The following TNFAIP8 variants were observed in gnomAD, a reference collection of about 807,000 sequenced individuals.
TNFAIP8 encodes the protein TNF alpha induced protein 8, also known as tumor necrosis factor alpha-induced protein 8.
TNFAIP8 carries 7 observed loss-of-function variants against 13.3 expected under a neutral mutation model. That is an observed-to-expected ratio of 0.52 (90% CI 0.30 to 0.99). TNFAIP8 has a LOEUF of 0.99. Ranked by LOEUF, TNFAIP8 falls within the 50% of genes least tolerant of loss-of-function variation. TNFAIP8 has a pLI of 0.07. For missense variants in TNFAIP8, 258 were observed against 236.9 expected (o/e 1.09, Z -0.58); for synonymous variants, 94 against 87.6 (o/e 1.07, Z -0.41).
chr5:119,292,022 A>C lies in TNFAIP8; in HGVS notation c.1+23115A>C, dbSNP rs548076815. 5.3e-5 allele frequency among the ~76,000 whole-genome samples: 8 copies of C among 152,346 alleles called. No individual in the cohort carries two copies. In the East Asian group the frequency reaches 1.5e-3, roughly 29 times the overall value. ...GTGAAGTCAAGAATAAAATGCCTGCAGGGCTCACCGGGAGAGGACCGGAAG... is the reference window on the plus strand; with the variant it reads ...GTGAAGTCAAGAATAAAATGCCTGCCGGGCTCACCGGGAGAGGACCGGAAG... On this transcript the variant is annotated intron_variant, in intron 1 of 1. Transcript: ENST00000274456.
rs1335646107 is a variant in TNFAIP8 at position 119,298,690 on chromosome 5, C to A, written c.1+29783C>A. Among the ~76,000 whole-genome samples, 3 of 152,088 alleles carry A rather than the reference C, an allele frequency of 2.0e-5. No homozygotes were observed. The South Asian group carries it at 6.2e-4, about 31-fold the overall frequency. ...TTGGGGAAGTTCTCCTGGATACTAT[C>A]CTGCAGAGTGTTTTCCAACTAGGTT... On this transcript the variant is annotated intron_variant, in intron 1 of 1. Transcript: ENST00000274456.
intron 1 of TNFAIP8, among the ~76,000 whole-genome samples, chr5:119,300,079 T>C (rs1749335782): frequency 6.6e-6 from 1 of 152,230 alleles, no homozygotes; most frequent in South Asian, 2.1e-4. Context: ...GGCAATGCCT[T>C]GCCCTGCTTC....
Position 119,271,384 on chromosome 5 carries a change from T to C in TNFAIP8, c.1+2477T>C, listed in dbSNP as rs185118323. ...TCTCATATTTAATTGATCCAATTAA[T>C]CCTCTTTTGCAGAAGATAGCCCAAT... On this transcript the variant is annotated intron_variant, in intron 1 of 1. Coordinates refer to the TNFAIP8 transcript ENST00000274456. 1.5e-3 allele frequency among the ~76,000 whole-genome samples: 228 copies of C among 152,300 alleles called. 1 individual carries two copies. The highest frequency in any genetic ancestry group is 5.2e-3 in the African/African-American group (218 of 41,564).
chr5:119,382,665 T>A (rs941702671), intron 1 of TNFAIP8, among the ~76,000 whole-genome samples: 12 of 152,202 alleles, frequency 7.9e-5, no homozygotes, highest in African/African-American at 2.7e-4. Flanking sequence ...CTCTTGGTAG[T>A]CCCATTTGCA....
chr5:119,396,198 T>C lies in TNFAIP8; in HGVS notation c.*2817T>C, dbSNP rs1336565958. 6.6e-6 allele frequency: 1 copy of C among 152,266 alleles called. No homozygotes were observed. The highest frequency in any genetic ancestry group is 2.4e-5 in the African/African-American group (1 of 41,462). 9.4% of individuals were successfully genotyped at this position (152,266 alleles called of 1,614,324 possible). ...CTAAAGGCAGTGCTAGGAACATCTT[T>C]GGCTCAGAGAAGCGTGGGCAGTATG... On this transcript the variant is annotated 3_prime_UTR_variant, in exon 2 of 2. Coordinates refer to ENST00000504771, the MANE Select transcript of TNFAIP8 (RefSeq NM_014350.4).
chr5:119,363,065 T>C (rs1751694832), intron 1 of TNFAIP8, among the ~76,000 whole-genome samples: 2 of 151,930 alleles, frequency 1.3e-5, no homozygotes, highest in Admixed American at 6.6e-5. Context: ...TATCCACTTT[T>C]ACAAAGGAGA....
intron 1 of TNFAIP8, among the ~76,000 whole-genome samples, chr5:119,365,628 A>G (rs1235191693): frequency 2.0e-5 from 3 of 152,230 alleles, no homozygotes; most frequent in Non-Finnish European, 4.4e-5. Context: ...GCTTGCTCCA[A>G]TAAACTTTTT....
intron 1 of TNFAIP8, chr5:119,391,458 T>TTC (rs1440430908): frequency 1.4e-6 from 1 of 701,412 alleles, no homozygotes; most frequent in African/African-American, 1.7e-5. Context: ...TCTTAAGCCT[T>TTC]AGGAGAAGCG....
chr5:119,278,372 A>AGT (rs1748522409), intron 1 of TNFAIP8, among the ~76,000 whole-genome samples: 10 of 124,998 alleles, frequency 8.0e-5, no homozygotes, highest in African/African-American at 3.3e-4. Context: ...AGAGAGAGAG[A>AGT]GAGAGTGTGT....
At chr5:119,355,206 T>G, upstream of TNFAIP8, 1 of 684,332 alleles carries the variant, frequency 1.5e-6, no homozygotes, top group Non-Finnish European at 2.7e-6. Context: ...AAACCTCCCC[T>G]TTGGCATTTT....
rs968985228 is a variant in TNFAIP8 at position 119,270,366 on chromosome 5, T to A, written c.1+1459T>A. On this transcript the variant is annotated intron_variant, in intron 1 of 1. Coordinates refer to the TNFAIP8 transcript ENST00000274456. Reference sequence around the variant, plus strand: ...ATAATTATCACGTTTGATGAAACACTTAGACACGTTTATTGCCACCGTCTA... The same window carrying A: ...ATAATTATCACGTTTGATGAAACACATAGACACGTTTATTGCCACCGTCTA... Among the ~76,000 whole-genome samples, 34 of 152,234 alleles carry A rather than the reference T, an allele frequency of 2.2e-4. 1 individual carries two copies.
intron 1 of TNFAIP8, among the ~76,000 whole-genome samples, chr5:119,296,355 A>G (rs1581580390): frequency 6.6e-6 from 1 of 151,916 alleles, no homozygotes. Context: ...AATTTTGTCA[A>G]AGGCCTTTTC....
At chr5:119,385,660 A>G (rs1475764997) in intron 1 of TNFAIP8, among the ~76,000 whole-genome samples, 3 of 152,230 alleles carry the variant, frequency 2.0e-5, no homozygotes, top group Non-Finnish European at 4.4e-5. Context: ...TTTAAATATC[A>G]TTATGAAAGA....
chr5:119,321,238 T>A (rs546135517), intron 1 of TNFAIP8, among the ~76,000 whole-genome samples: 1 of 152,286 alleles, frequency 6.6e-6, no homozygotes, highest in East Asian at 1.9e-4. Flanking sequence ...TAGACTTGGA[T>A]ACCAAGTCTA....
At chr5:119,383,978 A>G (rs1047253912) in intron 1 of TNFAIP8, among the ~76,000 whole-genome samples, 2 of 152,120 alleles carry the variant, frequency 1.3e-5, no homozygotes, top group East Asian at 3.9e-4. Context: ...ACATTATTAG[A>G]TCTTCCTATA....
At chr5:119,372,049 A>G (rs1752095342) in intron 1 of TNFAIP8, among the ~76,000 whole-genome samples, 1 of 151,906 alleles carries the variant, frequency 6.6e-6, no homozygotes, top group Non-Finnish European at 1.5e-5. Flanking sequence ...AGGCAGGAGA[A>G]TGGCGTGAAC....
chr5:119,286,938 A>C (rs956893003), intron 1 of TNFAIP8, among the ~76,000 whole-genome samples: 1 of 151,644 alleles, frequency 6.6e-6, no homozygotes, highest in East Asian at 1.9e-4. Flanking sequence ...TGTGATGCCT[A>C]CTCCTCCTCT....
At chr5:119,284,638 A>G (rs1402058034) in intron 1 of TNFAIP8, among the ~76,000 whole-genome samples, 1 of 151,940 alleles carries the variant, frequency 6.6e-6, no homozygotes, top group Non-Finnish European at 1.5e-5. Context: ...CCAAGATTGC[A>G]TCGCTGCACT....
chr5:119,289,698 G>A (rs1489911681), intron 1 of TNFAIP8, among the ~76,000 whole-genome samples: 3 of 152,094 alleles, frequency 2.0e-5, no homozygotes, highest in African/African-American at 7.2e-5. Context: ...TTCTTGCCTT[G>A]CTCCAATGCC....
Sources: gnomAD v4.1 joint callset for allele counts (sites outside exome capture counted in the v4.1 genomes callset) on GRCh38, gnomAD v4.1.1 for gene constraint, MANE v1.5 for transcripts, NCBI Gene and HGNC (gene_info 2026-07-23, HGNC 2026-07-21) for gene names.